Variants in KCNN1 observed in about 807,000 individuals in gnomAD.
KCNN1 encodes the protein potassium calcium-activated channel subfamily N member 1, also known as small conductance calcium-activated potassium channel protein 1.
KCNN1 carries 20 observed loss-of-function variants against 44.7 expected under a neutral mutation model. The observed-to-expected ratio is 0.45, with a 90% CI of 0.32 to 0.65. KCNN1 has a LOEUF of 0.65. Among genes scored for constraint, KCNN1 ranks in the 30% least tolerant of loss-of-function variants. KCNN1 has a pLI of 0.05. For synonymous variants in KCNN1, 324 were observed against 341.7 expected (o/e 0.95, Z 0.57); for missense variants, 632 against 785.3 (o/e 0.80, Z 2.33).
At chr19:17,989,421 G>A (rs2032712427) in intron 6 of KCNN1, among the ~76,000 whole-genome samples, 1 of 152,186 alleles carries the variant, frequency 6.6e-6, no homozygotes, top group Non-Finnish European at 1.5e-5. Context: ...TCATGCCACT[G>A]CATTCCAGTC....
chr19:17,985,539 G>C, intron 5 of KCNN1, 86 bp downstream of exon 5: 1 of 1,293,392 alleles, frequency 7.7e-7, no homozygotes, highest in Non-Finnish European at 1.1e-6. Flanking sequence ...TTGCTGACAG[G>C]GTGCTCATCC....
intron 3 of KCNN1, among the ~76,000 whole-genome samples, chr19:17,979,407 T>A (rs1368937479): frequency 4.4e-5 from 5 of 113,722 alleles, no homozygotes; most frequent in Non-Finnish European, 8.3e-5. Context: ...CACTCCAGCC[T>A]GGGCAATGGA....
intron 1 of KCNN1, among the ~76,000 whole-genome samples, chr19:17,973,580 C>A (rs1241994583): frequency 1.3e-5 from 2 of 152,116 alleles, no homozygotes; most frequent in African/African-American, 4.8e-5. Flanking sequence ...CCATGCCCGG[C>A]TCTCTGGGGT....
At chr19:17,964,863 G>A (rs2031760021), upstream of KCNN1, among the ~76,000 whole-genome samples, 1 of 152,220 alleles carries the variant, frequency 6.6e-6, no homozygotes. The surrounding 1 kb of genome is among the most constrained non-coding windows in gnomAD (Gnocchi z 4.3). Context: ...CTTTTCAGAG[G>A]GAGAAGGTGG....
chr19:17,980,087 A>G (rs2145941545), intron 3 of KCNN1, among the ~76,000 whole-genome samples: 1 of 150,200 alleles, frequency 6.7e-6, no homozygotes, highest in Non-Finnish European at 1.5e-5. Flanking sequence ...TATCGAGACA[A>G]GAGTCTCACT....
Position 17,974,590 on chromosome 19 carries a change from G to C in KCNN1, c.402+300G>C, listed in dbSNP as rs2032143349. ...GGTTCCCCAGAGTGGGCCTGCTCTGGGGAGCAACAGAAGATCTTCCTCCCC... is the reference window on the plus strand; with the variant it reads ...GGTTCCCCAGAGTGGGCCTGCTCTGCGGAGCAACAGAAGATCTTCCTCCCC... On this transcript the variant is annotated intron_variant, in intron 2 of 9. Transcript: ENST00000684775. This position sits in a 1 kb window ranked among gnomAD's most constrained non-coding sequence, Gnocchi z 7.3. Among the ~76,000 whole-genome samples the C allele has an allele frequency of 6.6e-6, 1 of 152,178 alleles. No homozygotes were observed.
At position 17,967,229 on chromosome 19, in the gene KCNN1, C is replaced by CCCGGCT; in HGVS notation, c.-161_-156dup. The CCCGGCT allele has an allele frequency of 1.0e-6, 1 of 983,516 alleles. No homozygotes were observed. Among genetic ancestry groups the CCCGGCT allele is most frequent in the Non-Finnish European group, 1.2e-6 (1 of 828,706 alleles). 60.9% of individuals were successfully genotyped at this position (983,516 alleles called of 1,614,324 possible). A position where few individuals can be genotyped will look rare whatever the true frequency, so the allele number is the denominator to read the frequency against. ...CGCTGCTGCCCGCCCCGTCCGCGAC[C>CCCGGCT]CCGGCTCCGGCTCCCGACTGGGGGT... On this transcript the variant is annotated 5_prime_UTR_variant, in exon 1 of 10. Transcript: ENST00000684775.
chr19:17,989,399 A>G (rs1422845147), intron 6 of KCNN1, among the ~76,000 whole-genome samples: 4 of 152,228 alleles, frequency 2.6e-5, no homozygotes, highest in Admixed American at 2.6e-4. Context: ...TGGAGGTCGC[A>G]GTGAGGCAAG....
In KCNN1 at chr19:17,977,038, C is replaced by T. The variant is rs922858286; in HGVS notation, c.498+1851C>T. 2.6e-5 allele frequency among the ~76,000 whole-genome samples: 4 copies of T among 151,778 alleles called. No homozygotes were observed. The South Asian group carries it at 6.2e-4, about 24-fold the overall frequency. On this transcript the variant is annotated intron_variant, in intron 3 of 9. Coordinates refer to ENST00000684775, the MANE Select transcript of KCNN1 (RefSeq NM_001386974.1). The stretch of plus-strand genomic sequence containing the variant: ...GGCCTATTCAACCTTAACAAAAGAA[C>T]GAAACACCAAAACAGCAGAAATGTA...
At chr19:17,989,869 C>T (rs775498095) in intron 7 of KCNN1, 26 bp downstream of exon 7, 78 of 1,610,550 alleles carry the variant, frequency 4.8e-5, no homozygotes, top group Non-Finnish European at 5.8e-5. Flanking sequence ...TTCCAGCTCA[C>T]GTTTCTGTGT....
chr19:17,990,117 G>T (rs141495931), intron 7 of KCNN1: 2 of 605,280 alleles, frequency 3.3e-6, no homozygotes, highest in Middle Eastern at 2.6e-4. Flanking sequence ...ACTTTGAAGC[G>T]ATTTCCTCTT....
intron 9 of KCNN1, among the ~76,000 whole-genome samples, chr19:17,994,697 G>C (rs1314975444): frequency 6.6e-6 from 1 of 152,066 alleles, no homozygotes; most frequent in East Asian, 1.9e-4. Flanking sequence ...GCATGCACCA[G>C]CATGCCCGGC....
At chr19:17,980,228 ATTTTTTTTTTTT>A (rs34810089) in intron 3 of KCNN1, among the ~76,000 whole-genome samples, 24 of 44,534 alleles carry the variant, frequency 5.4e-4, no homozygotes, top group East Asian at 2.9e-3. Flanking sequence ...CACCTAGCTA[ATTTTTTTTTTTT>A]TTTTTTTTTT....
At position 18,000,007 on chromosome 19, in the gene KCNN1, AC is replaced by A. The variant is rs2033130035; in HGVS notation, c.*1603del. 4.4e-6 allele frequency: 2 copies of A among 455,832 alleles called. No individual in the cohort carries two copies. Among genetic ancestry groups the A allele is most frequent in the South Asian group, 3.1e-5 (2 of 64,564 alleles). 28.2% of individuals were successfully genotyped at this position (455,832 alleles called of 1,614,324 possible). The stretch of plus-strand genomic sequence containing the variant: ...GTAAAATGGGGTGACAGTCTATTTA[AC>A]CAGAACTCCCTAAAAAGGGCCAGGC... On this transcript the variant is annotated 3_prime_UTR_variant, in exon 10 of 10. Transcript: ENST00000684775.
chr19:17,952,523 C>G (rs934467859), intron 1 of KCNN1, among the ~76,000 whole-genome samples: 1 of 152,146 alleles, frequency 6.6e-6, no homozygotes, highest in Non-Finnish European at 1.5e-5. Flanking sequence ...GCTCCTGACC[C>G]CACCCCCATG....
At chr19:17,985,251 G>A in intron 4 of KCNN1, 61 bp from the exon 5 acceptor site, 1 of 1,464,994 alleles carries the variant, frequency 6.8e-7, no homozygotes, top group Non-Finnish European at 9.1e-7. Context: ...CAGGGGGTGT[G>A]ATGGAGGCAA....
At chr19:17,982,265 C>A in intron 4 of KCNN1, 138 bp downstream of exon 4, 2 of 747,624 alleles carry the variant, frequency 2.7e-6, no homozygotes, top group Non-Finnish European at 4.2e-6. Flanking sequence ...GCAAGACACC[C>A]GTGGTGCCTC....
intron 7 of KCNN1, chr19:17,990,151 CAT>C (rs1353284230): frequency 3.8e-6 from 2 of 520,376 alleles, no homozygotes; most frequent in Admixed American, 2.3e-5. Flanking sequence ...CCAGGAGGCT[CAT>C]AGTTAAATCC....
chr19:17,960,848 T>G (rs965332494), intron 2 of KCNN1, among the ~76,000 whole-genome samples: 3 of 151,936 alleles, frequency 2.0e-5, no homozygotes, highest in African/African-American at 4.8e-5. Context: ...ACCTTCTCCC[T>G]GTTTGTCCAT....
Sources: gnomAD v4.1 joint callset for allele counts (sites outside exome capture counted in the v4.1 genomes callset) on GRCh38, gnomAD v4.1.1 for gene constraint, Gnocchi (gnomAD v3.1) non-coding constraint, MANE v1.5 for transcripts, NCBI Gene and HGNC (gene_info 2026-07-23, HGNC 2026-07-21) for gene names.